The following PACRGL variants were observed in gnomAD, a reference collection of about 807,000 sequenced individuals.
The protein encoded by PACRGL is parkin coregulated like.
Under a neutral mutation model 34.5 loss-of-function variants are expected in PACRGL, and 38 were observed. The observed-to-expected ratio is 1.10, with a 90% confidence interval of 0.85 to 1.44. The LOEUF is 1.44. Ranked by LOEUF, PACRGL falls within the 40% of genes most tolerant of loss-of-function variation. The pLI, the probability that PACRGL is intolerant of heterozygous loss-of-function variation, is 0.00. For synonymous variants in PACRGL, 128 were observed against 100.1 expected, an observed-to-expected ratio of 1.28 and a Z score of -1.66; for missense variants, 305 against 281.4, an observed-to-expected ratio of 1.08 and a Z score of -0.60.
At chr4:20,710,242 T>A (rs1736519377) in intron 5 of PACRGL, among the ~76,000 whole-genome samples, 1 of 152,180 alleles carries the variant, frequency 6.6e-6, no homozygotes, top group African/African-American at 2.4e-5. Flanking sequence ...GCTTGTACAT[T>A]TCCAGTACAA....
In PACRGL at chr4:20,704,960, G is replaced by C. The variant is rs1342721686; in HGVS notation, c.207+146G>C. On this transcript the variant is annotated intron_variant, in intron 3 of 8. Coordinates refer to ENST00000503585, the MANE Select transcript of PACRGL (RefSeq NM_001258345.3). The stretch of plus-strand genomic sequence containing the variant: ...AAGGGCATGTGGTTATTATGATGAA[G>C]AACTGAGATAATCAGTCACATGTGG... 2.0e-5 allele frequency: 18 copies of C among 918,128 alleles called. No homozygotes were observed. The East Asian group carries it at 4.7e-4, about 24-fold the overall frequency. 56.9% of individuals were successfully genotyped at this position (918,128 alleles called of 1,614,324 possible).
chr4:20,706,956 A>G (rs1734771968), intron 3 of PACRGL, among the ~76,000 whole-genome samples: 1 of 152,192 alleles, frequency 6.6e-6, no homozygotes, highest in African/African-American at 2.4e-5. Context: ...TTTCCAGAGG[A>G]AAAAAGAGCT....
At chr4:20,757,908 T>C in the PACRGL span, among the ~76,000 whole-genome samples, 2 of 152,326 alleles carry the variant, frequency 1.3e-5, no homozygotes, top group East Asian at 1.9e-4. Flanking sequence ...ATGTCCTCTC[T>C]GTCCTGCAGC....
chr4:20,734,425 T>G (rs1305734512), downstream of PACRGL, among the ~76,000 whole-genome samples: 1 of 152,230 alleles, frequency 6.6e-6, no homozygotes, highest in Non-Finnish European at 1.5e-5. Flanking sequence ...GGGTGTAATC[T>G]TTATGTGTTA....
intron 8 of PACRGL, among the ~76,000 whole-genome samples, chr4:20,739,044 G>A (rs899760645): frequency 3.9e-5 from 6 of 152,190 alleles, no homozygotes; most frequent in African/African-American, 1.4e-4. Flanking sequence ...TGAGGGAGGG[G>A]CGTCCACCAT....
chr4:20,707,453 A>G lies in PACRGL; in HGVS notation c.208-350A>G, dbSNP rs571035801. ...TCTGTATTTGGCTGAAGCACAAAGTAGGAGATGTGCAGGTGGCAAAAAACA... is the reference window on the plus strand; with the variant it reads ...TCTGTATTTGGCTGAAGCACAAAGTGGGAGATGTGCAGGTGGCAAAAAACA... On this transcript the variant is annotated intron_variant, in intron 3 of 8. Transcript: ENST00000503585. Among the ~76,000 whole-genome samples, 6 of 152,306 alleles carry G rather than the reference A, an allele frequency of 3.9e-5. No individual in the cohort carries two copies. In the South Asian group the frequency reaches 1.2e-3, roughly 32 times the overall value.
chr4:20,709,874 G>GCT lies in PACRGL; in HGVS notation c.366+101_366+102insCT, dbSNP rs1736301275. The stretch of plus-strand genomic sequence containing the variant: ...TCAGTAAATTTCATTCTATGCCTTT[G>GCT]AAAAACGAAGCACACAATAGGCATT... On this transcript the variant is annotated intron_variant, in intron 5 of 8. Coordinates refer to ENST00000503585, the MANE Select transcript of PACRGL (RefSeq NM_001258345.3). The GCT allele has an allele frequency of 4.4e-6, 4 of 904,292 alleles. No individual in the cohort carries two copies. The African/African-American group carries it at 5.0e-5, about 11-fold the overall frequency. The allele number at this position is 904,292 out of a possible 1,614,324, so 56.0% of individuals were successfully genotyped here.
downstream of PACRGL, among the ~76,000 whole-genome samples, chr4:20,737,199 A>T (rs562931450): frequency 7.9e-5 from 12 of 152,312 alleles, no homozygotes; most frequent in Non-Finnish European, 1.5e-4. Context: ...TTTGGCAGGT[A>T]CAGAGAGGAG....
chr4:20,765,793 A>G, the PACRGL span, among the ~76,000 whole-genome samples: 2 of 152,256 alleles, frequency 1.3e-5, no homozygotes, highest in African/African-American at 4.8e-5. Flanking sequence ...TTGCAATATA[A>G]CTGCCATAGA....
intron 8 of PACRGL, among the ~76,000 whole-genome samples, chr4:20,725,251 G>A (rs1198750518): frequency 1.3e-5 from 2 of 151,998 alleles, no homozygotes; most frequent in Non-Finnish European, 2.9e-5. Flanking sequence ...AGCTCTTTGA[G>A]GAAAAATACC....
chr4:20,758,698 T>C, the PACRGL span: 12 of 738,288 alleles, frequency 1.6e-5, no homozygotes, highest in Admixed American at 2.3e-5. Flanking sequence ...ACTTGCATGC[T>C]GTGCATTAAT....
In PACRGL at chr4:20,704,767, C is replaced by CT; in HGVS notation, c.162dup (p.His55SerfsTer3). The stretch of plus-strand genomic sequence containing the variant: ...CAGTTCTCCAGAGTCTGCAAGAAAA[C>CT]TTCATCCTAGACCAAGTGATAAACT... On this transcript the variant is annotated frameshift_variant, in exon 3 of 9. Coordinates refer to ENST00000503585, the MANE Select transcript of PACRGL (RefSeq NM_001258345.3). LOFTEE classifies it high-confidence loss of function. The CT allele has an allele frequency of 1.9e-6, 3 of 1,614,120 alleles. No homozygotes were observed. Among genetic ancestry groups the CT allele is most frequent in the Non-Finnish European group, 8.5e-7 (1 of 1,179,978 alleles).
chr4:20,730,021 A>G lies in PACRGL; in HGVS notation c.*2680A>G. ...AATCTATGCTAAAAGTGGTAGCTCC[A>G]ACTTTAAGGGTGGTAGAATAGTTCA... On this transcript the variant is annotated 3_prime_UTR_variant, in exon 9 of 9. Coordinates refer to ENST00000503585, the MANE Select transcript of PACRGL (RefSeq NM_001258345.3). 1 of 1,544,338 alleles carries G rather than the reference A, an allele frequency of 6.5e-7. No individual in the cohort carries two copies. The highest frequency in any genetic ancestry group is 8.7e-7 in the Non-Finnish European group (1 of 1,147,634).
chr4:20,721,454 T>G (rs182459893), intron 7 of PACRGL, among the ~76,000 whole-genome samples: 1 of 152,026 alleles, frequency 6.6e-6, no homozygotes, highest in African/African-American at 2.4e-5. Context: ...ATCTTTGTGG[T>G]TTTATGTACC....
chr4:20,753,861 C>G (rs1334111043), downstream of PACRGL, among the ~76,000 whole-genome samples: 2 of 152,118 alleles, frequency 1.3e-5, no homozygotes, highest in Admixed American at 1.3e-4. Context: ...ACAGCGGCTG[C>G]TTAAAAAATG....
chr4:20,711,571 T>C (rs1187725424), intron 5 of PACRGL, among the ~76,000 whole-genome samples: 1 of 151,812 alleles, frequency 6.6e-6, no homozygotes, highest in African/African-American at 2.4e-5. Context: ...GAAGCAGATA[T>C]TTAGGTCTGA....
chr4:20,743,413 A>G (rs969437388), intron 8 of PACRGL, among the ~76,000 whole-genome samples: 1 of 152,210 alleles, frequency 6.6e-6, no homozygotes, highest in Non-Finnish European at 1.5e-5. Context: ...TACTGGTACC[A>G]AAACAGAGAT....
rs112686968 is a variant in PACRGL at position 20,746,586 on chromosome 4, T to C, written c.*57-5979T>C. On this transcript the variant is annotated intron_variant, in intron 8 of 8. Transcript: ENST00000507634. Reference sequence around the variant, plus strand: ...CATCTAATAACTACTGAGCACATATTTGGTGCCAGACACAGAGCCAAGCCC... The same window carrying C: ...CATCTAATAACTACTGAGCACATATCTGGTGCCAGACACAGAGCCAAGCCC... Among the ~76,000 whole-genome samples, 1,074 of 152,248 alleles carry C rather than the reference T, an allele frequency of 7.1e-3. 13 individuals are homozygous for C. The highest frequency in any genetic ancestry group is 0.024 in the African/African-American group (986 of 41,544).
At chr4:20,761,035 G>T in the PACRGL span, among the ~76,000 whole-genome samples, 2 of 152,168 alleles carry the variant, frequency 1.3e-5, no homozygotes, top group African/African-American at 4.8e-5. Flanking sequence ...TAGACTTTAA[G>T]TAAAGCAGAT....
Sources: gnomAD v4.1 joint callset for allele counts (sites outside exome capture counted in the v4.1 genomes callset) on GRCh38, gnomAD v4.1.1 for gene constraint, MANE v1.5 for transcripts, NCBI Gene and HGNC (gene_info 2026-07-23, HGNC 2026-07-21) for gene names.